PROS1: variants seen among roughly 807,000 people sequenced by gnomAD.
PROS1 encodes vitamin K-dependent protein S.
PROS1 carries 29 observed loss-of-function variants against 75.9 expected under a neutral mutation model. The observed-to-expected ratio is 0.38, with a 90% CI of 0.28 to 0.52. PROS1 has a LOEUF of 0.52. Ranked by LOEUF, PROS1 falls within the 20% of genes least tolerant of loss-of-function variation. The pLI, the probability that PROS1 is intolerant of heterozygous loss-of-function variation, is 0.83. For synonymous variants in PROS1, 245 were observed against 280.6 expected (o/e 0.87, Z 1.27); for missense variants, 680 against 810.3 (o/e 0.84, Z 1.95).
intron 1 of PROS1, among the ~76,000 whole-genome samples, chr3:93,959,940 A>T (rs1465196308): frequency 2.6e-5 from 4 of 152,230 alleles, no homozygotes; most frequent in African/African-American, 7.2e-5. Context: ...AGGCATAGTA[A>T]ATTATGCCCT....
chr3:93,922,931 G>T (rs1708963548), intron 3 of PROS1, among the ~76,000 whole-genome samples: 1 of 152,112 alleles, frequency 6.6e-6, no homozygotes, highest in Admixed American at 6.5e-5. Context: ...AAGAAATTTT[G>T]ACACATTAAG....
chr3:93,953,696 T>G (rs1709545608), intron 1 of PROS1, among the ~76,000 whole-genome samples: 1 of 152,176 alleles, frequency 6.6e-6, no homozygotes. Flanking sequence ...TCACCACTTG[T>G]ATTCAAAATA....
intron 1 of PROS1, among the ~76,000 whole-genome samples, chr3:93,947,070 CTCA>C (rs1257468481): frequency 2.0e-5 from 3 of 152,178 alleles, no homozygotes; most frequent in African/African-American, 7.2e-5. Flanking sequence ...TGACAAAATG[CTCA>C]TCATCACTGG....
At chr3:93,954,980 C>T (rs530673668) in intron 1 of PROS1, among the ~76,000 whole-genome samples, 80 of 152,352 alleles carry the variant, frequency 5.3e-4, no homozygotes, top group Non-Finnish European at 7.2e-4. Flanking sequence ...GAAAAATGCT[C>T]ATCATCACTG....
chr3:93,953,939 A>G (rs1709554179), intron 1 of PROS1, among the ~76,000 whole-genome samples: 1 of 152,206 alleles, frequency 6.6e-6, no homozygotes, highest in Admixed American at 6.5e-5. Flanking sequence ...AATAACAGAC[A>G]GAGAGCCAAA....
chr3:93,960,005 T>C (rs1328524244), intron 1 of PROS1, among the ~76,000 whole-genome samples: 1 of 152,204 alleles, frequency 6.6e-6, no homozygotes, highest in African/African-American at 2.4e-5. Context: ...CTTTGTAATA[T>C]ATATTACCAA....
intron 1 of PROS1, among the ~76,000 whole-genome samples, chr3:93,967,586 T>C (rs1337549057): frequency 1.3e-5 from 2 of 152,132 alleles, no homozygotes; most frequent in Admixed American, 1.3e-4. Context: ...GTACCAGCAA[T>C]CATTAAAATA....
chr3:93,910,509 C>T (rs1708743964), intron 4 of PROS1, 110 bp downstream of exon 4: 2 of 867,918 alleles, frequency 2.3e-6, no homozygotes, highest in Non-Finnish European at 3.8e-6. Context: ...GGCATACAAC[C>T]CATCAAAGGA....
intron 6 of PROS1, among the ~76,000 whole-genome samples, chr3:93,903,268 T>A (rs1708624547): frequency 6.6e-6 from 1 of 152,214 alleles, no homozygotes; most frequent in Non-Finnish European, 1.5e-5. Context: ...GATGTGGTCA[T>A]CAGGAACATT....
At chr3:93,909,327 C>G (rs1457314199) in intron 4 of PROS1, among the ~76,000 whole-genome samples, 3 of 150,946 alleles carry the variant, frequency 2.0e-5, no homozygotes, top group African/African-American at 4.9e-5. Flanking sequence ...TCCAGCTACT[C>G]AGGCGGCTGA....
chr3:93,900,769 C>T (rs1446710976), intron 7 of PROS1, 35 bp downstream of exon 7: 1 of 1,611,672 alleles, frequency 6.2e-7, no homozygotes, highest in Non-Finnish European at 8.5e-7. Flanking sequence ...CACCCACCCT[C>T]TCCACCATCA....
intron 10 of PROS1, among the ~76,000 whole-genome samples, chr3:93,889,990 A>G (rs1708407737): frequency 6.6e-6 from 1 of 152,150 alleles, no homozygotes; most frequent in South Asian, 2.1e-4. Flanking sequence ...CTACAAACGG[A>G]CCTGCAAGTA....
At chr3:93,945,156 A>T (rs972676627) in intron 1 of PROS1, among the ~76,000 whole-genome samples, 4 of 152,176 alleles carry the variant, frequency 2.6e-5, no homozygotes, top group Non-Finnish European at 4.4e-5. Flanking sequence ...AAATTAAGAC[A>T]ATAGTTAAGA....
chr3:93,917,650 T>A (rs1026948139), intron 3 of PROS1, among the ~76,000 whole-genome samples: 11 of 152,134 alleles, frequency 7.2e-5, no homozygotes, highest in Non-Finnish European at 1.6e-4. Flanking sequence ...GAGTTCCTGG[T>A]GGGCGTGGGC....
chr3:93,907,022 A>G (rs1435352671), intron 4 of PROS1, among the ~76,000 whole-genome samples: 2 of 152,192 alleles, frequency 1.3e-5, no homozygotes, highest in African/African-American at 2.4e-5. Flanking sequence ...TGCCATGAAC[A>G]GTGGCAGGAG....
intron 4 of PROS1, 32 bp from the exon 5 acceptor site, chr3:93,906,175 T>C: frequency 6.2e-7 from 1 of 1,609,692 alleles, no homozygotes; most frequent in Non-Finnish European, 8.5e-7. Flanking sequence ...TTATTTTTTT[T>C]ATCTCATGTC....
chr3:93,959,656 G>T (rs1372984805), intron 1 of PROS1, among the ~76,000 whole-genome samples: 1 of 152,204 alleles, frequency 6.6e-6, no homozygotes, highest in Admixed American at 6.5e-5. Context: ...TACATCCAGG[G>T]TAGGGCCAGA....
intron 3 of PROS1, among the ~76,000 whole-genome samples, chr3:93,922,194 GTA>G (rs1428326191): frequency 6.6e-6 from 1 of 152,076 alleles, no homozygotes; most frequent in East Asian, 1.9e-4. Context: ...GCATTCTGAG[GTA>G]ATTCACCAAC....
intron 14 of PROS1, among the ~76,000 whole-genome samples, chr3:93,875,291 C>T (rs945711415): frequency 1.4e-4 from 22 of 152,050 alleles, no homozygotes; most frequent in Non-Finnish European, 3.1e-4. Context: ...TAGTACTTCA[C>T]ATGGAATTTT....
Sources: gnomAD v4.1 joint callset for allele counts (sites outside exome capture counted in the v4.1 genomes callset) on GRCh38, gnomAD v4.1.1 for gene constraint, MANE v1.5 for transcripts, NCBI Gene and HGNC (gene_info 2026-07-23, HGNC 2026-07-21) for gene names.